Variants in ADAMTS3 observed in about 807,000 individuals in gnomAD.
ADAMTS3 encodes ADAM metallopeptidase with thrombospondin type 1 motif 3.
ADAMTS3 carries 73 observed loss-of-function variants against 129.0 expected under a neutral mutation model. The ratio of observed to expected loss-of-function variants is 0.57; its 90% CI spans 0.47 to 0.69. The LOEUF (loss-of-function observed/expected upper bound fraction) is 0.69, where lower values mean the gene tolerates loss of function less well. ADAMTS3 is among the 30% of genes least tolerant of loss of function. The pLI is 0.00. For missense variants in ADAMTS3, 1,457 were observed against 1,514.5 expected (o/e 0.96, Z 0.63); for synonymous variants, 477 against 510.8 (o/e 0.93, Z 0.89).
At chr4:72,344,191 A>T (rs1165286959) in intron 4 of ADAMTS3, among the ~76,000 whole-genome samples, 1 of 152,200 alleles carries the variant, frequency 6.6e-6, no homozygotes, top group African/African-American at 2.4e-5. Context: ...CTTACTAAAC[A>T]GATAAAGTAG....
intron 3 of ADAMTS3, among the ~76,000 whole-genome samples, chr4:72,520,252 G>A (rs1172982091): frequency 6.6e-6 from 1 of 152,164 alleles, no homozygotes; most frequent in Non-Finnish European, 1.5e-5. Context: ...GCCCCTACTG[G>A]GGGGTGCCTC....
In ADAMTS3 at chr4:72,483,949, C is replaced by T. The variant is rs376770578; in HGVS notation, c.504+64529G>A. Among the ~76,000 whole-genome samples, 11 of 152,008 alleles carry T rather than the reference C, an allele frequency of 7.2e-5. No homozygotes were observed. The East Asian group carries it at 1.9e-3, about 27-fold the overall frequency. ...AGGAGAATGGCGTGAACCCAGGAGG[C>T]GGAACTTGCGGTGAGCCAAGATGGC... On this transcript the variant is annotated intron_variant, in intron 3 of 21. Coordinates refer to ENST00000286657, the MANE Select transcript of ADAMTS3 (RefSeq NM_014243.3).
Position 72,414,860 on chromosome 4 carries a change from C to A in ADAMTS3, c.616G>T (p.Val206Leu). The change falls in exon 4 of 22, where the codon GTA (valine) becomes TTA (leucine). Residue 206 changes from valine to leucine, a missense_variant. Coordinates refer to ENST00000286657, the MANE Select transcript of ADAMTS3 (RefSeq NM_014243.3). ...RIHVVYKRSA[V>L]EQAPIDMSKD... The stretch of plus-strand genomic sequence containing the variant: ...GACATGTCTATGGGAGCCTGTTCTA[C>A]AGCTGATCTCTTGTAGACAACATGA... 1 of 1,563,044 alleles carries A rather than the reference C, an allele frequency of 6.4e-7. No homozygotes were observed. The highest frequency in any genetic ancestry group is 1.2e-5 in the South Asian group (1 of 82,912).
intron 3 of ADAMTS3, among the ~76,000 whole-genome samples, chr4:72,452,899 C>T (rs1266620616): frequency 6.6e-6 from 1 of 151,694 alleles, no homozygotes; most frequent in African/African-American, 2.4e-5. Flanking sequence ...AGGGATGTAT[C>T]GGAGTCTATC....
intron 2 of ADAMTS3, 116 bp downstream of exon 2, chr4:72,567,258 A>G: frequency 9.7e-7 from 1 of 1,033,198 alleles, no homozygotes; most frequent in Non-Finnish European, 1.5e-6. Flanking sequence ...TCCGGACTAC[A>G]GATTATTTTT....
chr4:72,444,296 C>T (rs1166211701), intron 3 of ADAMTS3, among the ~76,000 whole-genome samples: 6 of 151,774 alleles, frequency 4.0e-5, no homozygotes, highest in Admixed American at 6.6e-5. Flanking sequence ...CAGCAAATGA[C>T]GCATGATAAA....
intron 4 of ADAMTS3, among the ~76,000 whole-genome samples, chr4:72,366,470 A>C (rs1578618551): frequency 6.6e-6 from 1 of 152,318 alleles, no homozygotes; most frequent in East Asian, 1.9e-4. Flanking sequence ...ATCCAGATTT[A>C]TTATGCAAAG....
intron 3 of ADAMTS3, among the ~76,000 whole-genome samples, chr4:72,459,312 A>T (rs1718703586): frequency 6.6e-6 from 1 of 151,624 alleles, no homozygotes; most frequent in South Asian, 2.1e-4. Context: ...GGTTATCAAG[A>T]ACACTTTGGA....
intron 17 of ADAMTS3, among the ~76,000 whole-genome samples, chr4:72,300,429 CAATGT>C (rs1333490399): frequency 6.6e-6 from 1 of 152,092 alleles, no homozygotes; most frequent in Non-Finnish European, 1.5e-5. Context: ...GAAAAGAATA[CAATGT>C]AATTATATCA....
intron 3 of ADAMTS3, among the ~76,000 whole-genome samples, chr4:72,532,069 T>C (rs1284536715): frequency 6.9e-6 from 1 of 145,770 alleles, no homozygotes; most frequent in East Asian, 2.0e-4. Context: ...AAAAAAAAAG[T>C]TGAAATTTCC....
At chr4:72,516,454 C>A (rs998671746) in intron 3 of ADAMTS3, among the ~76,000 whole-genome samples, 1 of 152,118 alleles carries the variant, frequency 6.6e-6, no homozygotes, top group East Asian at 1.9e-4. Context: ...GATATTGATT[C>A]TTCCTAACCA....
Position 72,339,507 on chromosome 4 carries a change from G to A in ADAMTS3, c.848C>T (p.Thr283Ile). 1.9e-6 allele frequency: 3 copies of A among 1,613,872 alleles called. No individual in the cohort carries two copies. Among genetic ancestry groups the A allele is most frequent in the Non-Finnish European group, 2.5e-6 (3 of 1,179,818 alleles). Reference protein sequence around the residue: ...GKEHVQNYLLTLMNIVNEIYH... With the variant: ...GKEHVQNYLLILMNIVNEIYH... ...GTCACTACTCACAATGTTCATTAGGGTCAGGAGGTAGTTTTGGACGTGCTC... is the reference window on the plus strand; with the variant it reads ...GTCACTACTCACAATGTTCATTAGGATCAGGAGGTAGTTTTGGACGTGCTC... Residue 283 changes from threonine to isoleucine, a missense_variant, in exon 5 of 22, where the codon ACC (threonine) becomes ATC (isoleucine). Coordinates refer to ENST00000286657, the MANE Select transcript of ADAMTS3 (RefSeq NM_014243.3).
At chr4:72,516,617 T>G (rs1389281474) in intron 3 of ADAMTS3, among the ~76,000 whole-genome samples, 2 of 152,190 alleles carry the variant, frequency 1.3e-5, no homozygotes, top group African/African-American at 4.8e-5. Flanking sequence ...GGGAGTTCAC[T>G]CATGATTTGG....
In ADAMTS3 at chr4:72,526,721, AATATATACATACATATATATAT is replaced by A. The variant is rs1372850837; in HGVS notation, c.504+21735_504+21756del. On this transcript the variant is annotated intron_variant, in intron 3 of 21. Transcript: ENST00000286657. ...TACACACATATATAGAGACAGAAAA[AATATATACATACATATATATAT>A]ATATATATATATATATATATATATA... is the stretch of plus-strand genomic sequence containing the variant. Among the ~76,000 whole-genome samples, 6 of 117,910 alleles carry A rather than the reference AATATATACATACATATATATAT, an allele frequency of 5.1e-5. No individual in the cohort carries two copies. The Admixed American group carries it at 5.3e-4, about 10-fold the overall frequency. The allele number at this position is 117,910 out of a possible 152,430, so 77.4% of individuals were successfully genotyped here.
At chr4:72,304,213 G>T in intron 16 of ADAMTS3, 133 bp from the exon 17 acceptor site, 1 of 855,848 alleles carries the variant, frequency 1.2e-6, no homozygotes, top group Non-Finnish European at 1.8e-6. Context: ...ATCAAAATGG[G>T]TGTTAGTTCT....
At chr4:72,464,036 T>C (rs1718854557) in intron 3 of ADAMTS3, among the ~76,000 whole-genome samples, 2 of 152,016 alleles carry the variant, frequency 1.3e-5, no homozygotes, top group African/African-American at 4.8e-5. Context: ...CGTGCTTTTA[T>C]TGAAAGGTGC....
At chr4:72,312,062 C>T in intron 13 of ADAMTS3, 1 of 448,758 alleles carries the variant, frequency 2.2e-6, no homozygotes, top group Non-Finnish European at 4.0e-6. Context: ...GGTCTTTTCA[C>T]CGCTGATGGT....
Position 72,478,991 on chromosome 4 carries a change from G to A in ADAMTS3, c.505-64020C>T, listed in dbSNP as rs557743720. On this transcript the variant is annotated intron_variant, in intron 3 of 21. Transcript: ENST00000286657. ...CTTAGGAATCCTACTTACAAGGGAC[G>A]TGAAGGACCTCCTCAAGGAGAACTA... Among the ~76,000 whole-genome samples, 20 of 152,254 alleles carry A rather than the reference G, an allele frequency of 1.3e-4. No homozygotes were observed. The East Asian group carries it at 1.5e-3, about 12-fold the overall frequency.
chr4:72,537,835 C>T (rs999311399), intron 3 of ADAMTS3, among the ~76,000 whole-genome samples: 3 of 151,984 alleles, frequency 2.0e-5, no homozygotes, highest in Admixed American at 1.3e-4. Flanking sequence ...ATCTACCAGA[C>T]AAATACTTTA....
Sources: gnomAD v4.1 joint callset for allele counts (sites outside exome capture counted in the v4.1 genomes callset) on GRCh38, gnomAD v4.1.1 for gene constraint, MANE v1.5 for transcripts, NCBI Gene and HGNC (gene_info 2026-07-23, HGNC 2026-07-21) for gene names.